Variants in FAM135B observed in about 807,000 individuals in gnomAD.
The protein encoded by FAM135B is family with sequence similarity 135 member B.
A neutral mutation model predicts 127.7 loss-of-function variants in FAM135B; 43 were observed. The observed-to-expected ratio is 0.34, with a 90% CI of 0.26 to 0.43. FAM135B has a LOEUF of 0.43. FAM135B is among the 20% of genes least tolerant of loss of function. The pLI is 1.00. For missense variants in FAM135B, 1,558 were observed against 1,725.6 expected, an observed-to-expected ratio of 0.90 and a Z score of 1.72; for synonymous variants, 670 against 665.1, an observed-to-expected ratio of 1.01 and a Z score of -0.11.
At chr8:138,335,184 T>C (rs1245079536) in intron 2 of FAM135B, among the ~76,000 whole-genome samples, 3 of 152,158 alleles carry the variant, frequency 2.0e-5, no homozygotes, top group African/African-American at 7.2e-5. Context: ...CAGGGCAGGA[T>C]TCTGAAAAGG....
At chr8:138,244,173 A>T (rs1458246005) in intron 6 of FAM135B, among the ~76,000 whole-genome samples, 1 of 152,204 alleles carries the variant, frequency 6.6e-6, no homozygotes, top group Non-Finnish European at 1.5e-5. Flanking sequence ...TACGATGATA[A>T]GATGATTGAG....
intron 1 of FAM135B, among the ~76,000 whole-genome samples, chr8:138,481,365 G>A (rs1358873499): frequency 6.6e-6 from 1 of 152,220 alleles, no homozygotes; most frequent in Non-Finnish European, 1.5e-5. Flanking sequence ...TTGCAAATCA[G>A]AGCTAGTGAG....
intron 3 of FAM135B, among the ~76,000 whole-genome samples, chr8:138,308,099 A>G (rs985407839): frequency 1.3e-5 from 2 of 152,128 alleles, no homozygotes; most frequent in African/African-American, 4.8e-5. Context: ...GGAGGAAGCA[A>G]CCCTGGGCCA....
In FAM135B at chr8:138,243,647, T is replaced by C. The variant is rs952893292; in HGVS notation, c.543-579A>G. Reference sequence around the variant, plus strand: ...CAAATGTGCAGTTCCTGCCCAGCTCTGCAATCCAAAGATTAATGGACATAT... The same window carrying C: ...CAAATGTGCAGTTCCTGCCCAGCTCCGCAATCCAAAGATTAATGGACATAT... On this transcript the variant is annotated intron_variant, in intron 6 of 19. Coordinates refer to ENST00000395297, the MANE Select transcript of FAM135B (RefSeq NM_015912.4). The surrounding 1 kb of genome is among the most constrained non-coding windows in gnomAD (Gnocchi z 7.5). Among the ~76,000 whole-genome samples the C allele has an allele frequency of 6.6e-6, 1 of 152,238 alleles. No homozygotes were observed. Among genetic ancestry groups the C allele is most frequent in the African/African-American group, 2.4e-5 (1 of 41,462 alleles).
At chr8:138,254,074 A>T (rs1405554204) in intron 5 of FAM135B, among the ~76,000 whole-genome samples, 1 of 152,246 alleles carries the variant, frequency 6.6e-6, no homozygotes, top group Non-Finnish European at 1.5e-5. Flanking sequence ...AAAGAGGAAG[A>T]AGACATTTAT....
At chr8:138,210,761 A>G (rs1818080143) in intron 7 of FAM135B, among the ~76,000 whole-genome samples, 1 of 152,186 alleles carries the variant, frequency 6.6e-6, no homozygotes, top group Non-Finnish European at 1.5e-5. Context: ...GTCAAACGAT[A>G]TCAATAGGCT....
At chr8:138,277,299 A>G (rs73439069) in intron 3 of FAM135B, among the ~76,000 whole-genome samples, 3,760 of 152,254 alleles carry the variant, frequency 0.025, 106 homozygotes, top group East Asian at 0.08. Flanking sequence ...CTGTCTGTGC[A>G]TGGACACGGG....
At chr8:138,248,257 C>A (rs190554998) in intron 6 of FAM135B, among the ~76,000 whole-genome samples, 5 of 152,278 alleles carry the variant, frequency 3.3e-5, no homozygotes, top group Admixed American at 3.3e-4. Context: ...CCTTTAATTC[C>A]TACCCTACAC....
At chr8:138,270,598 G>A (rs1823304606) in intron 3 of FAM135B, among the ~76,000 whole-genome samples, 1 of 152,250 alleles carries the variant, frequency 6.6e-6, no homozygotes, top group Non-Finnish European at 1.5e-5. Flanking sequence ...CAGTTCTGGA[G>A]GCTGGGAAGT....
intron 3 of FAM135B, among the ~76,000 whole-genome samples, chr8:138,305,097 G>T (rs542336537): frequency 9.9e-5 from 15 of 152,278 alleles, no homozygotes; most frequent in African/African-American, 1.7e-4. Flanking sequence ...ACCCTGAAAA[G>T]AAATTAGATT....
At chr8:138,239,191 TC>T (rs1415364030) in intron 7 of FAM135B, among the ~76,000 whole-genome samples, 1 of 152,196 alleles carries the variant, frequency 6.6e-6, no homozygotes, top group Non-Finnish European at 1.5e-5. Context: ...GTAAAAGTGT[TC>T]CTGTTTCTCC....
chr8:138,173,370 G>A (rs1814100120), intron 11 of FAM135B, among the ~76,000 whole-genome samples: 1 of 152,178 alleles, frequency 6.6e-6, no homozygotes, highest in Non-Finnish European at 1.5e-5. Context: ...GCTCAACAGT[G>A]CACAGAGAAG....
intron 3 of FAM135B, among the ~76,000 whole-genome samples, chr8:138,279,191 C>A (rs961582633): frequency 1.3e-5 from 2 of 152,218 alleles, no homozygotes; most frequent in South Asian, 4.1e-4. Context: ...CTCAGTGCCA[C>A]AGGCAGAGTA....
intron 2 of FAM135B, among the ~76,000 whole-genome samples, chr8:138,312,966 C>A (rs1826809041): frequency 6.6e-6 from 1 of 152,150 alleles, no homozygotes; most frequent in Non-Finnish European, 1.5e-5. Flanking sequence ...AATAAGTTGT[C>A]CTGAAGCAAT....
In FAM135B at chr8:138,242,389, T is replaced by C. The variant is rs1445425575; in HGVS notation, c.669+553A>G. ...GCACATCACAGAAGAGCAGGGGATG[T>C]TTCCTAGGATAAAAGAACAAGGGGA... On this transcript the variant is annotated intron_variant, in intron 7 of 19. Transcript: ENST00000395297. This position sits in a 1 kb window ranked among gnomAD's most constrained non-coding sequence, Gnocchi z 9.6. Among the ~76,000 whole-genome samples, 1 of 152,102 alleles carries C rather than the reference T, an allele frequency of 6.6e-6. No individual in the cohort carries two copies. Among genetic ancestry groups the C allele is most frequent in the Non-Finnish European group, 1.5e-5 (1 of 68,024 alleles).
intron 9 of FAM135B, among the ~76,000 whole-genome samples, chr8:138,185,401 G>C (rs1815456602): frequency 6.6e-6 from 1 of 152,102 alleles, no homozygotes; most frequent in African/African-American, 2.4e-5. Context: ...GAAGCCACTG[G>C]GCCTCATGGG....
chr8:138,240,478 G>C (rs984451771), intron 7 of FAM135B, among the ~76,000 whole-genome samples: 1 of 152,202 alleles, frequency 6.6e-6, no homozygotes, highest in Non-Finnish European at 1.5e-5. Context: ...GCAATGAATG[G>C]TCTGTGTGGC....
At chr8:138,346,558 A>G (rs1338995439) in intron 2 of FAM135B, among the ~76,000 whole-genome samples, 1 of 152,234 alleles carries the variant, frequency 6.6e-6, no homozygotes, top group Non-Finnish European at 1.5e-5. Flanking sequence ...TCAGCAAACT[A>G]ACACAGAAAT....
intron 1 of FAM135B, among the ~76,000 whole-genome samples, chr8:138,473,670 G>A (rs1003353278): frequency 2.6e-5 from 4 of 152,140 alleles, no homozygotes; most frequent in African/African-American, 9.7e-5. Flanking sequence ...GACAGCTATT[G>A]ATTGCCAATG....
Sources: gnomAD v4.1 joint callset for allele counts (sites outside exome capture counted in the v4.1 genomes callset) on GRCh38, gnomAD v4.1.1 for gene constraint, Gnocchi (gnomAD v3.1) non-coding constraint, MANE v1.5 for transcripts, NCBI Gene and HGNC (gene_info 2026-07-23, HGNC 2026-07-21) for gene names.